Variants in PHF20L1 observed in about 807,000 individuals in gnomAD.
PHF20L1 encodes PHD finger protein 20-like protein 1.
PHF20L1 carries 44 observed loss-of-function variants against 125.5 expected under a neutral mutation model. The ratio of observed to expected loss-of-function variants is 0.35; its 90% CI spans 0.28 to 0.45. The LOEUF is 0.45. PHF20L1 is among the 20% of genes least tolerant of loss of function. The pLI is 1.00. For missense variants in PHF20L1, 1,012 were observed against 1,217.2 expected, an observed-to-expected ratio of 0.83 and a Z score of 2.51; for synonymous variants, 380 against 403.1, an observed-to-expected ratio of 0.94 and a Z score of 0.69.
chr8:132,825,212 G>T, intron 13 of PHF20L1, 52 bp from the exon 14 acceptor site: 1 of 1,585,788 alleles, frequency 6.3e-7, no homozygotes, highest in Non-Finnish European at 8.6e-7. Flanking sequence ...AACCACAAAG[G>T]AACAACTCAG....
At chr8:132,824,926 C>T in intron 13 of PHF20L1, 1 of 781,300 alleles carries the variant, frequency 1.3e-6, no homozygotes, top group East Asian at 6.7e-5. Flanking sequence ...AATGCTGAGT[C>T]TCTTCATTCA....
chr8:132,809,769 G>A (rs1364158685), intron 8 of PHF20L1: 1 of 152,126 alleles, frequency 6.6e-6, no homozygotes, highest in Non-Finnish European at 1.5e-5. Context: ...TTTATGAGCA[G>A]GGTGGCCATA....
chr8:132,842,602 A>G lies in PHF20L1; in HGVS notation c.2475A>G (p.Lys825=). ...AAATAATAGCTGGGGTGGAGAAAAA[A>G]ATAGCTCAAGACACAGTTAATCGAG... ...QDQIIAGVEK[K]IAQDTVNREE... Residue 825 remains lysine (K), a synonymous_variant, in exon 19 of 21, where the codon AAA becomes AAG. Coordinates refer to ENST00000395386, the MANE Select transcript of PHF20L1 (RefSeq NM_016018.5). The G allele has an allele frequency of 6.2e-7, 1 of 1,613,144 alleles. No individual in the cohort carries two copies. The highest frequency in any genetic ancestry group is 8.5e-7 in the Non-Finnish European group (1 of 1,179,548).
chr8:132,791,082 A>G (rs537444369), intron 2 of PHF20L1, among the ~76,000 whole-genome samples: 12 of 152,194 alleles, frequency 7.9e-5, no homozygotes, highest in African/African-American at 2.2e-4. Context: ...TATGTTTTCA[A>G]TACCTTTTAT....
intron 11 of PHF20L1, 58 bp downstream of exon 11, chr8:132,817,134 A>T: frequency 9.2e-7 from 1 of 1,082,794 alleles, no homozygotes; most frequent in Non-Finnish European, 1.3e-6. Context: ...GAAAAAACTA[A>T]GAGATAAAGA....
At chr8:132,832,516 T>C (rs1245720958) in intron 15 of PHF20L1, 117 bp downstream of exon 15, 3 of 661,568 alleles carry the variant, frequency 4.5e-6, no homozygotes, top group Non-Finnish European at 7.6e-6. Context: ...TAAACTAATA[T>C]GAAAGTCTTG....
At chr8:132,836,455 T>A (rs2131883311) in intron 15 of PHF20L1, 85 bp from the exon 16 acceptor site, 1 of 844,536 alleles carries the variant, frequency 1.2e-6, no homozygotes, top group Non-Finnish European at 1.9e-6. Context: ...ATAGCTTATG[T>A]TCACTTCTCA....
At chr8:132,836,405 A>G (rs1563848897) in intron 15 of PHF20L1, 135 bp from the exon 16 acceptor site, 2 of 620,994 alleles carry the variant, frequency 3.2e-6, no homozygotes, top group South Asian at 2.1e-5. Context: ...AGTACAGTAC[A>G]GTATTCTTAT....
intron 2 of PHF20L1, among the ~76,000 whole-genome samples, chr8:132,788,397 G>T (rs1294583781): frequency 6.6e-6 from 1 of 152,058 alleles, no homozygotes; most frequent in Non-Finnish European, 1.5e-5. Flanking sequence ...TTGCCATTTT[G>T]ATTGATATGG....
At chr8:132,832,606 G>A (rs1836890918) in intron 15 of PHF20L1, among the ~76,000 whole-genome samples, 1 of 151,952 alleles carries the variant, frequency 6.6e-6, no homozygotes, top group Non-Finnish European at 1.5e-5. Flanking sequence ...GAGTCATAAG[G>A]AAAATATTAC....
At chr8:132,799,383 A>G (rs532504684) in intron 6 of PHF20L1, 2 of 422,084 alleles carry the variant, frequency 4.7e-6, no homozygotes, top group East Asian at 7.1e-5. Flanking sequence ...ATGTGATGGA[A>G]GCAGTGTATT....
chr8:132,831,172 C>T lies in PHF20L1; in HGVS notation c.1745-1063C>T, dbSNP rs549556504. Among the ~76,000 whole-genome samples, 26 of 152,150 alleles carry T rather than the reference C, an allele frequency of 1.7e-4. No homozygotes were observed. The South Asian group carries it at 5.0e-3, about 29-fold the overall frequency. On this transcript the variant is annotated intron_variant, in intron 14 of 20. Coordinates refer to ENST00000395386, the MANE Select transcript of PHF20L1 (RefSeq NM_016018.5). Reference sequence around the variant, plus strand: ...AATGAAACTGTCACATCTTGCTCCTCCTCCACATAAGCATTGAATGACTTT... The same window carrying T: ...AATGAAACTGTCACATCTTGCTCCTTCTCCACATAAGCATTGAATGACTTT...
chr8:132,845,360 A>G (rs1838329376), intron 20 of PHF20L1, among the ~76,000 whole-genome samples: 2 of 152,072 alleles, frequency 1.3e-5, no homozygotes, highest in Non-Finnish European at 2.9e-5. Context: ...ATGATTAGGT[A>G]TGTTTTATGT....
At chr8:132,780,702 C>T (rs1306036308) in intron 2 of PHF20L1, among the ~76,000 whole-genome samples, 2 of 152,086 alleles carry the variant, frequency 1.3e-5, no homozygotes, top group Non-Finnish European at 2.9e-5. Flanking sequence ...CTTACTGTCT[C>T]TATACTCAAA....
chr8:132,819,185 A>G (rs528968403), intron 12 of PHF20L1, among the ~76,000 whole-genome samples: 1 of 152,066 alleles, frequency 6.6e-6, no homozygotes, highest in Admixed American at 6.6e-5. Context: ...AGCAGTAACT[A>G]TTGGAAAAGT....
At chr8:132,832,442 C>T (rs949115281) in intron 15 of PHF20L1, 43 bp downstream of exon 15, 2 of 1,406,250 alleles carry the variant, frequency 1.4e-6, no homozygotes, top group Admixed American at 1.7e-5. Context: ...CTTACAATTC[C>T]TAAATGTGTA....
intron 2 of PHF20L1, among the ~76,000 whole-genome samples, chr8:132,786,779 T>A (rs1001582865): frequency 6.6e-6 from 1 of 152,146 alleles, no homozygotes; most frequent in Admixed American, 6.5e-5. Flanking sequence ...TTGAGGATTT[T>A]AGCAAAATAA....
At chr8:132,834,929 T>TAAAACATTAATCAACAAC (rs1157869488) in intron 15 of PHF20L1, among the ~76,000 whole-genome samples, 11 of 152,040 alleles carry the variant, frequency 7.2e-5, no homozygotes, top group Non-Finnish European at 1.5e-4. Flanking sequence ...TATTTTTCTA[T>TAAAACATTAATCAACAAC]AAAACATTAA....
At chr8:132,826,435 G>C (rs1836190953) in intron 14 of PHF20L1, 2 of 152,066 alleles carry the variant, frequency 1.3e-5, no homozygotes, top group Non-Finnish European at 2.9e-5. Context: ...TCAAATATGA[G>C]AGTGTTCACA....
Sources: allele counts gnomAD v4.1 joint callset (sites outside exome capture counted in the v4.1 genomes callset), GRCh38; gene constraint gnomAD v4.1.1; transcripts MANE v1.5; gene names NCBI Gene and HGNC (gene_info 2026-07-23, HGNC 2026-07-21).